Variants in SPIDR observed in about 807,000 individuals in gnomAD.
SPIDR encodes scaffold protein involved in DNA repair, also known as DNA repair-scaffolding protein.
Under a neutral mutation model 104.6 loss-of-function variants are expected in SPIDR, and 93 were observed. The ratio of observed to expected loss-of-function variants is 0.89; its 90% confidence interval spans 0.75 to 1.06. The LOEUF is 1.06. SPIDR is among the 50% of genes least tolerant of loss of function. The probability of loss-of-function intolerance (pLI) is 0.00; values close to 1 mark genes in which losing one functional copy is unlikely to be tolerated. For missense variants in SPIDR, 1,154 were observed against 1,111.2 expected (o/e 1.04, Z -0.55); for synonymous variants, 431 against 416.9 (o/e 1.03, Z -0.41).
intron 8 of SPIDR, among the ~76,000 whole-genome samples, chr8:47,525,045 C>G (rs2084763392): frequency 6.6e-6 from 1 of 152,220 alleles, no homozygotes; most frequent in African/African-American, 2.4e-5. Flanking sequence ...CCTGCTAGTT[C>G]TGATCCGAGG....
chr8:47,382,012 T>C (rs879947934), intron 5 of SPIDR, among the ~76,000 whole-genome samples: 1 of 152,250 alleles, frequency 6.6e-6, no homozygotes, highest in Admixed American at 6.5e-5. Context: ...CCATTATTGC[T>C]CTTGGTGTGA....
intron 10 of SPIDR, among the ~76,000 whole-genome samples, chr8:47,616,817 A>G (rs1302186018): frequency 2.6e-5 from 4 of 152,208 alleles, no homozygotes; most frequent in Non-Finnish European, 4.4e-5. Context: ...TATTGTCACA[A>G]TATTATTCAC....
intron 5 of SPIDR, among the ~76,000 whole-genome samples, chr8:47,392,124 A>G (rs1554652572): frequency 1.3e-5 from 2 of 152,208 alleles, no homozygotes; most frequent in African/African-American, 2.4e-5. Flanking sequence ...GCTAAAAAGC[A>G]TAGCTAACAT....
At chr8:47,651,870 G>GT (rs1256257883) in intron 10 of SPIDR, among the ~76,000 whole-genome samples, 2 of 152,134 alleles carry the variant, frequency 1.3e-5, no homozygotes, top group African/African-American at 4.8e-5. Flanking sequence ...ACCAAATACT[G>GT]TATGTTCTCA....
At chr8:47,603,535 G>A (rs920607434) in intron 10 of SPIDR, among the ~76,000 whole-genome samples, 1 of 151,602 alleles carries the variant, frequency 6.6e-6, no homozygotes, top group African/African-American at 2.4e-5. Flanking sequence ...TGGAACCACA[G>A]GCACGTGCCA....
At chr8:47,495,575 C>T (rs1029135310) in intron 8 of SPIDR, among the ~76,000 whole-genome samples, 4 of 151,932 alleles carry the variant, frequency 2.6e-5, no homozygotes, top group Admixed American at 6.6e-5. Context: ...ATTTTTGTCA[C>T]GTGTCCTTTT....
chr8:47,401,191 T>A (rs1005711095), intron 6 of SPIDR, among the ~76,000 whole-genome samples: 15 of 152,166 alleles, frequency 9.9e-5, no homozygotes, highest in African/African-American at 1.4e-4. Context: ...TTCAACATTC[T>A]TAAAGAAAAG....
chr8:47,684,192 T>TA (rs1417842227), intron 11 of SPIDR, among the ~76,000 whole-genome samples: 1 of 151,404 alleles, frequency 6.6e-6, no homozygotes, highest in African/African-American at 2.4e-5. Context: ...AACAAACTGT[T>TA]AAAATTTTTT....
intron 10 of SPIDR, among the ~76,000 whole-genome samples, chr8:47,619,069 G>C (rs1042748265): frequency 1.3e-5 from 2 of 152,226 alleles, no homozygotes; most frequent in African/African-American, 2.4e-5. Flanking sequence ...TTTGAATTTT[G>C]AACTATGTGA....
At chr8:47,454,378 CA>C (rs1420693619) in intron 8 of SPIDR, among the ~76,000 whole-genome samples, 1 of 149,908 alleles carries the variant, frequency 6.7e-6, no homozygotes, top group African/African-American at 2.5e-5. Flanking sequence ...ATCACAGGGA[CA>C]AAAAACCAAA....
intron 8 of SPIDR, among the ~76,000 whole-genome samples, chr8:47,575,370 G>A (rs909336441): frequency 2.6e-5 from 4 of 152,138 alleles, no homozygotes; most frequent in East Asian, 1.9e-4. Flanking sequence ...CTGGCCGGGC[G>A]CGGTGGCTCA....
At chr8:47,535,236 T>C (rs2086704215) in intron 8 of SPIDR, among the ~76,000 whole-genome samples, 1 of 152,078 alleles carries the variant, frequency 6.6e-6, no homozygotes, top group Non-Finnish European at 1.5e-5. Context: ...TGCAATCTCA[T>C]CCAGAAAATA....
In SPIDR at chr8:47,440,302, GTTCTT is replaced by G. The variant is rs781928358; in HGVS notation, c.878-15_878-11del. 1.7e-5 allele frequency: 27 copies of G among 1,604,898 alleles called. No individual in the cohort carries two copies. Among genetic ancestry groups the G allele is most frequent in the Non-Finnish European group, 2.3e-5 (27 of 1,172,464 alleles). ...TGTCTTTTGATTTCATTTTTGCTTT[GTTCTT>G]TTCTTCAACTTCTAGGTAGAAAATC... On this transcript the variant is annotated splice_polypyrimidine_tract_variant and intron_variant, in intron 7 of 19. Coordinates refer to ENST00000297423, the MANE Select transcript of SPIDR (RefSeq NM_001080394.4).
chr8:47,652,179 G>GT (rs773996712), intron 10 of SPIDR, among the ~76,000 whole-genome samples: 16 of 152,316 alleles, frequency 1.1e-4, no homozygotes, highest in Non-Finnish European at 1.2e-4. Context: ...AGAAAAGTGA[G>GT]TAGGAGGCAA....
chr8:47,545,201 A>G (rs1350823658), intron 8 of SPIDR, among the ~76,000 whole-genome samples: 2 of 146,492 alleles, frequency 1.4e-5, no homozygotes, highest in Non-Finnish European at 3.0e-5. Context: ...GCTCACTGCA[A>G]CCTCTGCCTC....
chr8:47,413,719 G>A (rs1554673421), intron 7 of SPIDR, among the ~76,000 whole-genome samples: 2 of 152,142 alleles, frequency 1.3e-5, no homozygotes, highest in East Asian at 1.9e-4. Context: ...TATCACATTT[G>A]GAGGTTTGAT....
At position 47,564,278 on chromosome 8, in the gene SPIDR, C is replaced by A. The variant is rs183022174; in HGVS notation, c.1098-31533C>A. Among the ~76,000 whole-genome samples, 374 of 151,956 alleles carry A rather than the reference C, an allele frequency of 2.5e-3. 1 individual carries two copies. The highest frequency in any genetic ancestry group is 6.6e-3 in the Admixed American group (101 of 15,270). Reference sequence around the variant, plus strand: ...ATTATTAGTAGAGACCGGGTTTCGCCATATTGGCCAGGATGGTCTCGATCT... The same window carrying A: ...ATTATTAGTAGAGACCGGGTTTCGCAATATTGGCCAGGATGGTCTCGATCT... On this transcript the variant is annotated intron_variant, in intron 8 of 19. Transcript: ENST00000297423.
At chr8:47,665,004 T>C (rs1254892035) in intron 10 of SPIDR, among the ~76,000 whole-genome samples, 1 of 152,104 alleles carries the variant, frequency 6.6e-6, no homozygotes, top group Non-Finnish European at 1.5e-5. Flanking sequence ...CACCAAAATA[T>C]GTGTAATGAG....
intron 6 of SPIDR, among the ~76,000 whole-genome samples, chr8:47,405,306 G>GTA (rs1405861783): frequency 1.3e-5 from 2 of 150,994 alleles, no homozygotes; most frequent in Non-Finnish European, 3.0e-5. Flanking sequence ...GTGTGTGTGT[G>GTA]TGTGTGTGTG....
Sources: gnomAD v4.1 joint callset for allele counts (sites outside exome capture counted in the v4.1 genomes callset) on GRCh38, gnomAD v4.1.1 for gene constraint, MANE v1.5 for transcripts, NCBI Gene and HGNC (gene_info 2026-07-23, HGNC 2026-07-21) for gene names.